SCN11A: variants seen among roughly 807,000 people sequenced by gnomAD.
SCN11A encodes the protein sodium channel protein type 11 subunit alpha.
A neutral mutation model predicts 162.2 loss-of-function variants in SCN11A; 122 were observed. That is an observed-to-expected ratio of 0.75 (90% CI 0.65 to 0.87). SCN11A has a LOEUF of 0.87. Among genes scored for constraint, SCN11A ranks in the 40% least tolerant of loss-of-function variants. SCN11A has a pLI of 0.00. For missense variants in SCN11A, 2,015 were observed against 2,181.6 expected, an observed-to-expected ratio of 0.92 and a Z score of 1.52; for synonymous variants, 758 against 751.5, an observed-to-expected ratio of 1.01 and a Z score of -0.14.
chr3:39,006,540 TA>T (rs1440122551), intron 2 of SCN11A, among the ~76,000 whole-genome samples: 4 of 146,302 alleles, frequency 2.7e-5, no homozygotes, highest in Non-Finnish European at 6.1e-5. Flanking sequence ...AACCAATAGA[TA>T]AAAGCAATCT....
intron 21 of SCN11A, 134 bp downstream of exon 21, chr3:38,885,154 C>T (rs750453948): frequency 3.2e-5 from 20 of 621,054 alleles, no homozygotes; most frequent in East Asian, 2.7e-4. Context: ...CAAGAATCTA[C>T]GGGTGCCCTC....
chr3:38,991,527 T>C (rs973267144), intron 2 of SCN11A, among the ~76,000 whole-genome samples: 1 of 152,226 alleles, frequency 6.6e-6, no homozygotes, highest in South Asian at 2.1e-4. Flanking sequence ...GATAATGTTG[T>C]GCAATTTCCT....
intron 11 of SCN11A, among the ~76,000 whole-genome samples, chr3:38,913,782 T>A (rs941901588): frequency 6.6e-6 from 1 of 152,216 alleles, no homozygotes; most frequent in African/African-American, 2.4e-5. Flanking sequence ...TTGTCAGCTT[T>A]GTTCAAGATC....
chr3:38,878,019 A>G (rs2065247891), intron 23 of SCN11A, among the ~76,000 whole-genome samples: 1 of 151,710 alleles, frequency 6.6e-6, no homozygotes, highest in African/African-American at 2.4e-5. Context: ...CTGGGGACTC[A>G]GGGGAAATGA....
At chr3:38,848,992 G>A (rs2064725706) in intron 29 of SCN11A, among the ~76,000 whole-genome samples, 1 of 152,146 alleles carries the variant, frequency 6.6e-6, no homozygotes. Context: ...ATTAATATAT[G>A]GATTAATCCT....
intron 7 of SCN11A, among the ~76,000 whole-genome samples, chr3:38,927,473 T>C (rs1162582541): frequency 1.3e-5 from 2 of 152,152 alleles, no homozygotes; most frequent in African/African-American, 2.4e-5. Context: ...AAAATTCATA[T>C]GGAATTTCAA....
At chr3:39,045,453 T>C (rs946492653) in intron 1 of SCN11A, among the ~76,000 whole-genome samples, 9 of 152,194 alleles carry the variant, frequency 5.9e-5, no homozygotes, top group East Asian at 1.9e-4. Flanking sequence ...GATGATCAAG[T>C]AGATTTATTT....
intron 22 of SCN11A, among the ~76,000 whole-genome samples, chr3:38,880,663 T>G (rs1440842992): frequency 6.6e-6 from 1 of 152,218 alleles, no homozygotes; most frequent in African/African-American, 2.4e-5. Flanking sequence ...CTACAAATAG[T>G]GTCATTTCTT....
At chr3:38,935,600 C>A (rs534988139) in intron 7 of SCN11A, among the ~76,000 whole-genome samples, 1 of 152,082 alleles carries the variant, frequency 6.6e-6, no homozygotes, top group African/African-American at 2.4e-5. Context: ...TACAAACACC[C>A]CTATGCAAAT....
chr3:38,985,710 G>A (rs1559564684), intron 2 of SCN11A, among the ~76,000 whole-genome samples: 1 of 151,052 alleles, frequency 6.6e-6, no homozygotes, highest in Non-Finnish European at 1.5e-5. Flanking sequence ...TGCTGGGATG[G>A]TGAAAACTAG....
intron 21 of SCN11A, among the ~76,000 whole-genome samples, chr3:38,883,688 C>T (rs953360487): frequency 1.3e-5 from 2 of 152,160 alleles, no homozygotes; most frequent in Admixed American, 1.3e-4. Context: ...ATTCAGGCTA[C>T]CCCATTGGGT....
At chr3:39,002,756 G>T (rs1336709153) in intron 2 of SCN11A, among the ~76,000 whole-genome samples, 1 of 152,184 alleles carries the variant, frequency 6.6e-6, no homozygotes, top group African/African-American at 2.4e-5. Flanking sequence ...AACCTTAAAT[G>T]CTCTTCTGTA....
At chr3:38,971,888 G>A (rs572404343) in intron 2 of SCN11A, among the ~76,000 whole-genome samples, 1 of 152,240 alleles carries the variant, frequency 6.6e-6, no homozygotes, top group South Asian at 2.1e-4. Flanking sequence ...GATGGGAGAA[G>A]GCTCAGCTGC....
chr3:39,040,728 C>T (rs903886195), intron 1 of SCN11A, among the ~76,000 whole-genome samples: 11 of 152,048 alleles, frequency 7.2e-5, no homozygotes, highest in African/African-American at 2.7e-4. Flanking sequence ...AAAGATTCTG[C>T]TAATGAAATA....
intron 7 of SCN11A, among the ~76,000 whole-genome samples, chr3:38,937,935 G>T (rs13072557): frequency 0.14 from 20,851 of 152,068 alleles, 1,653 homozygotes; most frequent in East Asian, 0.24. Context: ...GCACACGTAT[G>T]TTTATTGCGG....
At chr3:38,915,250 T>C (rs114325248) in intron 11 of SCN11A, among the ~76,000 whole-genome samples, 2,071 of 152,260 alleles carry the variant, frequency 0.014, 24 homozygotes, top group Non-Finnish European at 0.022. Context: ...AGAGGTGTTT[T>C]TAGCAGTTTT....
chr3:39,033,787 T>C (rs2031826759), intron 1 of SCN11A, among the ~76,000 whole-genome samples: 2 of 152,198 alleles, frequency 1.3e-5, no homozygotes. Flanking sequence ...CAAGAGTTTT[T>C]TTCTTGTTAT....
intron 19 of SCN11A, 121 bp downstream of exon 19, chr3:38,894,412 G>T: frequency 1.2e-6 from 1 of 813,936 alleles, no homozygotes; most frequent in Non-Finnish European, 2.0e-6. Context: ...GGGTATCAAA[G>T]GGCAGCCACG....
rs528361893 is a variant in SCN11A at position 39,012,917 on chromosome 3, G to A, written c.-280+19463C>T. On this transcript the variant is annotated intron_variant, in intron 2 of 29. Coordinates refer to ENST00000302328, the MANE Select transcript of SCN11A (RefSeq NM_001349253.2). ...GCAGAAAAAAGGTAGCAATGCTTAC[G>A]TAATAAATGATTATGCTCATCTTTG... is the stretch of plus-strand genomic sequence containing the variant. Among the ~76,000 whole-genome samples, 81 of 152,272 alleles carry A rather than the reference G, an allele frequency of 5.3e-4. 1 individual carries two copies. In the South Asian group the frequency reaches 0.014, roughly 26 times the overall value.
Sources: allele counts gnomAD v4.1 joint callset (sites outside exome capture counted in the v4.1 genomes callset), GRCh38; gene constraint gnomAD v4.1.1; transcripts MANE v1.5; gene names NCBI Gene and HGNC (gene_info 2026-07-23, HGNC 2026-07-21).